Variants in NSUN3 observed in about 807,000 individuals in gnomAD.
NSUN3 encodes tRNA (cytosine(34)-C(5))-methyltransferase, mitochondrial.
In NSUN3, 24 loss-of-function variants were observed where a neutral mutation model predicts 36.8. The observed-to-expected ratio is 0.65, with a 90% CI of 0.47 to 0.92. The LOEUF (loss-of-function observed/expected upper bound fraction) is 0.92, where lower values mean the gene tolerates loss of function less well. NSUN3 is among the 40% of genes least tolerant of loss of function. NSUN3 has a pLI of 0.00. For missense variants in NSUN3, 381 were observed against 392.8 expected (o/e 0.97, Z 0.25); for synonymous variants, 146 against 145.2 (o/e 1.01, Z -0.04).
At chr3:94,102,981 G>C (rs1018365960) in intron 5 of NSUN3, among the ~76,000 whole-genome samples, 2 of 152,070 alleles carry the variant, frequency 1.3e-5, no homozygotes, top group African/African-American at 2.4e-5. Flanking sequence ...CCGCCTCCTG[G>C]ATTCAAGCAA....
chr3:94,101,231 G>A (rs2077364726), intron 5 of NSUN3, among the ~76,000 whole-genome samples: 1 of 151,968 alleles, frequency 6.6e-6, no homozygotes, highest in Non-Finnish European at 1.5e-5. Flanking sequence ...GGCTCCAAGT[G>A]ATCCTGACTC....
At chr3:94,085,438 C>G (rs1681667453) in intron 3 of NSUN3, 1 of 152,076 alleles carries the variant, frequency 6.6e-6, no homozygotes, top group Non-Finnish European at 1.5e-5. Flanking sequence ...TTTATAGATG[C>G]CAGTGCTGTT....
chr3:94,118,760 T>C (rs1217943616), intron 5 of NSUN3, among the ~76,000 whole-genome samples: 1 of 152,090 alleles, frequency 6.6e-6, no homozygotes, highest in Non-Finnish European at 1.5e-5. Flanking sequence ...ACCCAACCTG[T>C]CTTTTTTTTT....
chr3:94,063,201 G>A, intron 1 of NSUN3, 63 bp downstream of exon 1: 3 of 1,562,916 alleles, frequency 1.9e-6, no homozygotes, highest in African/African-American at 1.3e-5. Flanking sequence ...CGCGGCCGAG[G>A]TGGCGAGGGA....
chr3:94,112,668 A>G (rs1056626870), intron 5 of NSUN3, among the ~76,000 whole-genome samples: 1 of 152,178 alleles, frequency 6.6e-6, no homozygotes, highest in African/African-American at 2.4e-5. Context: ...ACTTCCACTC[A>G]CATCTCATGG....
At chr3:94,099,203 T>C (rs1191801129) in intron 5 of NSUN3, among the ~76,000 whole-genome samples, 1 of 152,228 alleles carries the variant, frequency 6.6e-6, no homozygotes, top group African/African-American at 2.4e-5. Context: ...GTATTGCTTT[T>C]ACATAGCCAA....
chr3:94,074,426 T>G (rs1268380499), intron 2 of NSUN3, among the ~76,000 whole-genome samples: 1 of 152,186 alleles, frequency 6.6e-6, no homozygotes, highest in East Asian at 1.9e-4. Context: ...TTGATTCTTC[T>G]TATCCATGAG....
At position 94,130,374 on chromosome 3, in the gene NSUN3, C is replaced by A. The variant is rs1487661899; in HGVS notation, c.*3884C>A. On this transcript the variant is annotated 3_prime_UTR_variant, in exon 6 of 6. Coordinates refer to ENST00000314622, the MANE Select transcript of NSUN3 (RefSeq NM_022072.5). ...GTGAAGAGACAAAATAATGAGAATACTTTTACCAAAGATAATGAAATCTTG... is the reference window on the plus strand; with the variant it reads ...GTGAAGAGACAAAATAATGAGAATAATTTTACCAAAGATAATGAAATCTTG... Among the ~76,000 whole-genome samples, 3 of 152,270 alleles carry A rather than the reference C, an allele frequency of 2.0e-5. No homozygotes were observed. Among genetic ancestry groups the A allele is most frequent in the East Asian group, 3.9e-4 (2 of 5,178 alleles).
At chr3:94,091,859 A>G (rs2077316389) in intron 3 of NSUN3, among the ~76,000 whole-genome samples, 1 of 152,222 alleles carries the variant, frequency 6.6e-6, no homozygotes, top group African/African-American at 2.4e-5. Context: ...GCATCACTAC[A>G]GATATGTTTG....
chr3:94,123,215 G>A (rs143273518), intron 5 of NSUN3, among the ~76,000 whole-genome samples: 3 of 152,144 alleles, frequency 2.0e-5, no homozygotes, highest in East Asian at 1.9e-4. Context: ...GGCCTCCCAC[G>A]CAGCTCTCAC....
intron 5 of NSUN3, among the ~76,000 whole-genome samples, chr3:94,116,985 CTTTTTTT>C (rs60234250): frequency 4.4e-4 from 28 of 64,006 alleles, no homozygotes; most frequent in Admixed American, 3.8e-3. Context: ...TCTGCCACAA[CTTTTTTT>C]TTTTTTTTTT....
Position 94,126,574 on chromosome 3 carries a change from T to C in NSUN3, c.*84T>C. On this transcript the variant is annotated 3_prime_UTR_variant, in exon 6 of 6. Transcript: ENST00000314622. The stretch of plus-strand genomic sequence containing the variant: ...TGTTAATATTTAAATAATTATGCAG[T>C]AACTTTCTCTGGGTCTGTTTGGAAT... The C allele has an allele frequency of 2.4e-6, 3 of 1,228,088 alleles. No homozygotes were observed. 76.1% of individuals were successfully genotyped at this position (1,228,088 alleles called of 1,614,324 possible). A position where few individuals can be genotyped will look rare whatever the true frequency, so the allele number is the denominator to read the frequency against.
At chr3:94,076,884 G>A in intron 2 of NSUN3, 1 of 1,474,394 alleles carries the variant, frequency 6.8e-7, no homozygotes, top group Non-Finnish European at 9.5e-7. Context: ...CTGTCGTAGT[G>A]TGATGCATCA....
At position 94,128,454 on chromosome 3, in the gene NSUN3, T is replaced by TAC; in HGVS notation, c.*1965_*1966insCA. The TAC allele has an allele frequency of 6.6e-6, 1 of 152,064 alleles. No individual in the cohort carries two copies. Among genetic ancestry groups the TAC allele is most frequent in the African/African-American group, 2.4e-5 (1 of 41,520 alleles). 9.4% of individuals were successfully genotyped at this position (152,064 alleles called of 1,614,324 possible). A position where few individuals can be genotyped will look rare whatever the true frequency, so the allele number is the denominator to read the frequency against. On this transcript the variant is annotated 3_prime_UTR_variant, in exon 6 of 6. Transcript: ENST00000314622. The stretch of plus-strand genomic sequence containing the variant: ...AGTAAATCTGCACACTGTACTTTGT[T>TAC]AAATGTCGGTATTTTCCCAGTATAA...
rs2077250568 is a variant in NSUN3, at chr3:94,077,317, T to A, written c.123-6790T>A. ...ACATCGTGGTGGATAAGCTTATTGA[T>A]GTGCTACTGGATTTGGTTTGCCAGT... On this transcript the variant is annotated intron_variant, in intron 2 of 5. Transcript: ENST00000314622. The A allele has an allele frequency of 6.5e-6, 3 of 459,006 alleles. No individual in the cohort carries two copies. The South Asian group carries it at 9.6e-5, about 15-fold the overall frequency. The allele number at this position is 459,006 out of a possible 1,614,324, so 28.4% of individuals were successfully genotyped here. A position where few individuals can be genotyped will look rare whatever the true frequency, so the allele number is the denominator to read the frequency against.
chr3:94,076,406 C>T (rs1560030468), intron 2 of NSUN3: 2 of 799,442 alleles, frequency 2.5e-6, no homozygotes, highest in African/African-American at 1.7e-5. Flanking sequence ...ATTGTTTGAA[C>T]AAGTATCCCA....
intron 5 of NSUN3, among the ~76,000 whole-genome samples, chr3:94,113,130 C>T (rs2077424838): frequency 6.6e-6 from 1 of 152,154 alleles, no homozygotes; most frequent in Admixed American, 6.5e-5. Context: ...TCCCAAAGTG[C>T]TGGGATTACA....
intron 5 of NSUN3, among the ~76,000 whole-genome samples, chr3:94,122,147 C>A (rs147946360): frequency 0.014 from 2,082 of 144,948 alleles, 46 homozygotes; most frequent in African/African-American, 0.046. Context: ...CTCATCCCCC[C>A]ACCTAAAAAA....
At chr3:94,121,477 A>G (rs777462927) in intron 5 of NSUN3, among the ~76,000 whole-genome samples, 20 of 152,158 alleles carry the variant, frequency 1.3e-4, no homozygotes, top group Non-Finnish European at 2.2e-4. Context: ...TGGCTTGCTT[A>G]CAGGTTCTGG....
Sources: allele counts gnomAD v4.1 joint callset (sites outside exome capture counted in the v4.1 genomes callset), GRCh38; gene constraint gnomAD v4.1.1; transcripts MANE v1.5; gene names NCBI Gene and HGNC (gene_info 2026-07-23, HGNC 2026-07-21).